The following MYRIP variants were observed in gnomAD, a reference collection of about 807,000 sequenced individuals.
MYRIP encodes myosin VIIA and Rab interacting protein.
Under a neutral mutation model 98.0 loss-of-function variants are expected in MYRIP, and 49 were observed. That is an observed-to-expected ratio of 0.50 (90% CI 0.40 to 0.63). The LOEUF is 0.63. Ranked by LOEUF, MYRIP falls within the 30% of genes least tolerant of loss-of-function variation. The pLI, the probability that MYRIP is intolerant of heterozygous loss-of-function variation, is 0.00. For missense variants in MYRIP, 1,004 were observed against 1,058.2 expected (o/e 0.95, Z 0.71); for synonymous variants, 404 against 409.5 (o/e 0.99, Z 0.16).
At chr3:39,954,909 G>T (rs1194345294) in intron 2 of MYRIP, among the ~76,000 whole-genome samples, 1 of 152,012 alleles carries the variant, frequency 6.6e-6, no homozygotes, top group African/African-American at 2.4e-5. Flanking sequence ...TGATCAAGTG[G>T]AAGAAAGGGT....
At chr3:39,864,846 G>A (rs1036041160) in intron 1 of MYRIP, among the ~76,000 whole-genome samples, 3 of 151,880 alleles carry the variant, frequency 2.0e-5, no homozygotes, top group Admixed American at 6.6e-5. Context: ...AATAGCCAAG[G>A]CAATCCTAAG....
chr3:40,212,962 C>A (rs1314593334), intron 11 of MYRIP, among the ~76,000 whole-genome samples: 2 of 152,018 alleles, frequency 1.3e-5, no homozygotes, highest in Non-Finnish European at 2.9e-5. Flanking sequence ...AAAACAAAAC[C>A]ATGCAGTTTG....
intron 2 of MYRIP, among the ~76,000 whole-genome samples, chr3:39,956,524 C>A (rs1023654992): frequency 2.6e-5 from 4 of 152,172 alleles, no homozygotes; most frequent in South Asian, 4.2e-4. Flanking sequence ...GACACATTCA[C>A]AGCAGTGTGT....
chr3:40,122,309 T>G (rs901065353), intron 3 of MYRIP, among the ~76,000 whole-genome samples: 7 of 151,720 alleles, frequency 4.6e-5, no homozygotes, highest in African/African-American at 1.7e-4. Flanking sequence ...ACATATGAAA[T>G]AGAAATTAAG....
At chr3:40,251,277 T>C (rs1953369635) in intron 15 of MYRIP, among the ~76,000 whole-genome samples, 1 of 152,242 alleles carries the variant, frequency 6.6e-6, no homozygotes, top group Admixed American at 6.5e-5. Context: ...TGAATGTTTA[T>C]AATCTACAAA....
At chr3:40,169,836 T>A in intron 7 of MYRIP, 114 bp from the exon 8 acceptor site, 3 of 1,263,774 alleles carry the variant, frequency 2.4e-6, no homozygotes, top group Non-Finnish European at 3.4e-6. Context: ...GGTGTTCTGT[T>A]GAAATTAAGC....
At chr3:40,162,685 T>G in intron 4 of MYRIP, 45 bp from the exon 5 acceptor site, 1 of 1,561,206 alleles carries the variant, frequency 6.4e-7, no homozygotes, top group Non-Finnish European at 8.8e-7. Context: ...ACTGAAGACC[T>G]TTGATAATCA....
At chr3:40,155,869 T>A (rs1299793185) in intron 4 of MYRIP, among the ~76,000 whole-genome samples, 74 of 151,550 alleles carry the variant, frequency 4.9e-4, no homozygotes, top group Non-Finnish European at 1.0e-3. Flanking sequence ...TTTGTTTGAG[T>A]TCATTGTAGA....
intron 2 of MYRIP, among the ~76,000 whole-genome samples, chr3:40,004,771 G>A (rs773901093): frequency 2.6e-5 from 4 of 152,072 alleles, no homozygotes; most frequent in Non-Finnish European, 4.4e-5. Flanking sequence ...TAGAATAATG[G>A]TCTCCAATTC....
intron 3 of MYRIP, among the ~76,000 whole-genome samples, chr3:40,105,448 T>C (rs1289112174): frequency 2.6e-5 from 4 of 152,128 alleles, no homozygotes; most frequent in African/African-American, 9.7e-5. Flanking sequence ...ATCTGTTTCT[T>C]GGGAGGCCTT....
chr3:40,170,942 T>C (rs902108971), intron 8 of MYRIP, among the ~76,000 whole-genome samples: 2 of 152,170 alleles, frequency 1.3e-5, no homozygotes, highest in Non-Finnish European at 2.9e-5. Context: ...AAGTAGCACA[T>C]GGTCGACTTG....
intron 3 of MYRIP, among the ~76,000 whole-genome samples, chr3:40,047,936 C>T (rs553246909): frequency 6.6e-6 from 1 of 152,268 alleles, no homozygotes; most frequent in Non-Finnish European, 1.5e-5. Flanking sequence ...CATCATGTAA[C>T]ACATTTAAGG....
rs1285709944 is a variant in MYRIP at position 40,190,016 on chromosome 3, C to G, written c.1218C>G (p.Ala406=). The G allele has an allele frequency of 6.2e-7, 1 of 1,614,122 alleles. No individual in the cohort carries two copies. The highest frequency in any genetic ancestry group is 2.2e-5 in the East Asian group (1 of 44,856). ...AGGAAGACTTTGACTGGAGTGAGGC[C>G]TTGAGCAAGCTGTGTCCCAGGTCCC... The part of the protein sequence containing the change: ...DSEEDFDWSE[A]LSKLCPRSRA... Residue 406 remains alanine (A), a synonymous_variant, in exon 10 of 17, where the codon GCC becomes GCG. Coordinates refer to ENST00000302541, the MANE Select transcript of MYRIP (RefSeq NM_015460.4).
In MYRIP at chr3:40,182,331, G is replaced by T; in HGVS notation, c.985G>T (p.Ala329Ser). 6.2e-7 allele frequency: 1 copy of T among 1,613,768 alleles called. No individual in the cohort carries two copies. Among genetic ancestry groups the T allele is most frequent in the South Asian group, 1.1e-5 (1 of 90,974 alleles). Reference protein sequence around the residue: ...DQGQHPRAESALPSWKSVDRL... With the variant: ...DQGQHPRAESSLPSWKSVDRL... ...AGGCCAACACCCGAGAGCAGAGTCT[G>T]CTCTGCCCAGCTGGAAGAGTGTGGA... Residue 329 changes from alanine to serine, a missense_variant, in exon 9 of 17, where the codon GCT becomes TCT. Around this residue, in one of 3 missense-constraint regions of MYRIP, gnomAD observed 880 missense variants for 907.7 expected, o/e 0.97. Coordinates refer to ENST00000302541, the MANE Select transcript of MYRIP (RefSeq NM_015460.4).
chr3:40,245,144 T>A (rs1322718289), intron 13 of MYRIP, among the ~76,000 whole-genome samples: 2 of 152,136 alleles, frequency 1.3e-5, no homozygotes. Flanking sequence ...GGACAATATT[T>A]TTCATGAGGA....
intron 13 of MYRIP, among the ~76,000 whole-genome samples, chr3:40,246,432 T>C (rs971927217): frequency 1.3e-5 from 2 of 152,206 alleles, no homozygotes; most frequent in Admixed American, 1.3e-4. Context: ...AGTAAATCTG[T>C]GCTTTACATA....
intron 2 of MYRIP, among the ~76,000 whole-genome samples, chr3:39,977,883 C>G (rs1945794461): frequency 6.6e-6 from 1 of 152,138 alleles, no homozygotes; most frequent in Non-Finnish European, 1.5e-5. Context: ...GTCAGCTTTC[C>G]CCCGCTTTGG....
At chr3:39,889,247 T>C (rs1369910126) in intron 1 of MYRIP, among the ~76,000 whole-genome samples, 1 of 152,134 alleles carries the variant, frequency 6.6e-6, no homozygotes, top group Non-Finnish European at 1.5e-5. Flanking sequence ...TATTGTGGCA[T>C]TATTCACAAT....
intron 11 of MYRIP, among the ~76,000 whole-genome samples, chr3:40,223,048 C>T (rs1952381308): frequency 6.6e-6 from 1 of 152,050 alleles, no homozygotes; most frequent in African/African-American, 2.4e-5. Context: ...TAACTCCATC[C>T]ATAATAAGAG....
Sources: gnomAD v4.1 joint callset for allele counts (sites outside exome capture counted in the v4.1 genomes callset) on GRCh38, gnomAD v4.1.1 for gene constraint, gnomAD v4.1.1 regional missense constraint, MANE v1.5 for transcripts, NCBI Gene and HGNC (gene_info 2026-07-23, HGNC 2026-07-21) for gene names.